Variants in TBC1D12 observed in about 807,000 individuals in gnomAD.
TBC1D12 encodes TBC1 domain family, member 12.
TBC1D12 carries 56 observed loss-of-function variants against 86.7 expected under a neutral mutation model. That is an observed-to-expected ratio of 0.65 (90% CI 0.52 to 0.81). The LOEUF (loss-of-function observed/expected upper bound fraction) is 0.81, where lower values mean the gene tolerates loss of function less well. Among genes scored for constraint, TBC1D12 ranks in the 30% least tolerant of loss-of-function variants. The pLI is 0.00. For missense variants in TBC1D12, 1,023 were observed against 1,038.8 expected, an observed-to-expected ratio of 0.98 and a Z score of 0.21; for synonymous variants, 421 against 411.7, an observed-to-expected ratio of 1.02 and a Z score of -0.27.
intron 5 of TBC1D12, among the ~76,000 whole-genome samples, chr10:94,497,556 G>T: frequency 8.5e-6 from 1 of 117,008 alleles, no homozygotes; most frequent in Non-Finnish European, 1.6e-5. Flanking sequence ...GTCTCGCTCT[G>T]TCACCCAGGC....
intron 2 of TBC1D12, among the ~76,000 whole-genome samples, chr10:94,447,143 A>G (rs2055477597): frequency 6.6e-6 from 1 of 152,042 alleles, no homozygotes; most frequent in African/African-American, 2.4e-5. Context: ...AATATAAAAC[A>G]TAGAATGATA....
At chr10:94,447,539 T>C (rs2055487131) in intron 2 of TBC1D12, 1 of 893,156 alleles carries the variant, frequency 1.1e-6, no homozygotes, top group Non-Finnish European at 1.3e-6. Context: ...TATAGCAAAA[T>C]CAAACTGACT....
intron 11 of TBC1D12, among the ~76,000 whole-genome samples, chr10:94,526,851 A>G (rs1489663840): frequency 6.6e-6 from 1 of 152,180 alleles, no homozygotes; most frequent in Non-Finnish European, 1.5e-5. Flanking sequence ...TCACAACAAC[A>G]GTGTATAAGA....
intron 1 of TBC1D12, among the ~76,000 whole-genome samples, chr10:94,405,117 C>T (rs493088): frequency 0.43 from 63,271 of 148,466 alleles, 13,679 homozygotes; most frequent in East Asian, 0.76. Context: ...TCTTCTTCTT[C>T]TTTTTTCTTA....
At chr10:94,439,832 G>C (rs949153821) in intron 1 of TBC1D12, among the ~76,000 whole-genome samples, 1 of 152,136 alleles carries the variant, frequency 6.6e-6, no homozygotes, top group Non-Finnish European at 1.5e-5. Context: ...TAAACAAATT[G>C]GAAGGAAAAT....
At chr10:94,460,716 C>G (rs1241555761) in intron 2 of TBC1D12, among the ~76,000 whole-genome samples, 2 of 151,940 alleles carry the variant, frequency 1.3e-5, no homozygotes, top group Non-Finnish European at 2.9e-5. Context: ...CTCTTTTCCT[C>G]CCCTCTCTCT....
In TBC1D12 at chr10:94,510,160, C is replaced by T; in HGVS notation, c.1670C>T (p.Ser557Phe). 6.3e-7 allele frequency: 1 copy of T among 1,594,514 alleles called. No homozygotes were observed. The highest frequency in any genetic ancestry group is 1.2e-5 in the South Asian group (1 of 86,088). The change falls in exon 8 of 13, where the codon TCT becomes TTT. Residue 557 changes from serine (S) to phenylalanine (F), a missense_variant. Ser to Phe is a radical substitution (Grantham distance 155). Coordinates refer to ENST00000225235, the MANE Select transcript of TBC1D12 (RefSeq NM_015188.2). ...TTGGACATATCCCGTACATTTCCATCTCTCTACATCTTTCAGAAGGTGAGG... is the reference window on the plus strand; with the variant it reads ...TTGGACATATCCCGTACATTTCCATTTCTCTACATCTTTCAGAAGGTGAGG... ...IKLDISRTFP[S>F]LYIFQKGGPY...
chr10:94,448,959 T>C (rs112055075), intron 2 of TBC1D12, among the ~76,000 whole-genome samples: 2 of 152,138 alleles, frequency 1.3e-5, no homozygotes, highest in Non-Finnish European at 2.9e-5. Context: ...AAAAAATAAT[T>C]TGTGTGGTCT....
At chr10:94,499,233 C>T (rs902689324) in intron 5 of TBC1D12, among the ~76,000 whole-genome samples, 1 of 152,166 alleles carries the variant, frequency 6.6e-6, no homozygotes, top group African/African-American at 2.4e-5. Flanking sequence ...ATTATAGTCA[C>T]CATTCTATGT....
At chr10:94,502,119 G>A (rs2056406008) in intron 6 of TBC1D12, among the ~76,000 whole-genome samples, 1 of 151,882 alleles carries the variant, frequency 6.6e-6, no homozygotes, top group Non-Finnish European at 1.5e-5. Flanking sequence ...GATCAACTGA[G>A]GTCGGGAATT....
intron 1 of TBC1D12, among the ~76,000 whole-genome samples, chr10:94,432,557 G>A (rs529231661): frequency 6.6e-6 from 1 of 152,272 alleles, no homozygotes; most frequent in East Asian, 1.9e-4. Flanking sequence ...AAATTAATGT[G>A]GAACAATATC....
chr10:94,465,877 C>T (rs2055810663), intron 2 of TBC1D12, among the ~76,000 whole-genome samples: 1 of 150,328 alleles, frequency 6.7e-6, no homozygotes, highest in Non-Finnish European at 1.5e-5. Context: ...TATACACATA[C>T]ATGTATGTAT....
At chr10:94,447,217 A>G (rs1411434057) in intron 2 of TBC1D12, among the ~76,000 whole-genome samples, 1 of 151,968 alleles carries the variant, frequency 6.6e-6, no homozygotes, top group East Asian at 1.9e-4. Flanking sequence ...TGTGTGGAAA[A>G]AACACGTAAT....
chr10:94,420,603 A>G lies in TBC1D12; in HGVS notation c.971+17019A>G, dbSNP rs78982805. On this transcript the variant is annotated intron_variant, in intron 1 of 12. Coordinates refer to ENST00000225235, the MANE Select transcript of TBC1D12 (RefSeq NM_015188.2). ...TGCTCAGTCTGGATATTTCATATAAAGGGAGTCATATAGTTTGTCACCGTT... is the reference window on the plus strand; with the variant it reads ...TGCTCAGTCTGGATATTTCATATAAGGGGAGTCATATAGTTTGTCACCGTT... Among the ~76,000 whole-genome samples, 743 of 152,318 alleles carry G rather than the reference A, an allele frequency of 4.9e-3. 46 individuals are homozygous for G. The East Asian group carries it at 0.13, about 26-fold the overall frequency.
chr10:94,445,498 G>A (rs563525703), intron 2 of TBC1D12, among the ~76,000 whole-genome samples: 1 of 152,100 alleles, frequency 6.6e-6, no homozygotes, highest in South Asian at 2.1e-4. Flanking sequence ...TTTAACTGAC[G>A]ATTATTTCTC....
chr10:94,474,764 A>G lies in TBC1D12; in HGVS notation c.1192A>G (p.Ile398Val). Residue 398 changes from isoleucine to valine, a missense_variant, in exon 3 of 13, where the codon ATT (isoleucine) becomes GTT (valine). This residue lies in a region of TBC1D12 where 395 missense variants were observed against 507.7 expected (regional missense o/e 0.78). Transcript: ENST00000225235. The stretch of plus-strand genomic sequence containing the variant: ...TGAGCCGCTTTCTACCACTGCCTTG[A>G]TTCTTGAGGATCGACCATCGTAAGT... ...EFEPLSTTALILEDRPSNLPA... is the reference protein window; with the variant it reads ...EFEPLSTTALVLEDRPSNLPA... 1 of 1,614,054 alleles carries G rather than the reference A, an allele frequency of 6.2e-7. No homozygotes were observed. Among genetic ancestry groups the G allele is most frequent in the South Asian group, 1.1e-5 (1 of 91,070 alleles).
intron 1 of TBC1D12, among the ~76,000 whole-genome samples, chr10:94,404,118 C>G (rs184467384): frequency 2.0e-5 from 3 of 152,076 alleles, no homozygotes; most frequent in Non-Finnish European, 4.4e-5. Context: ...TTTGGGAATT[C>G]TTGAAATTAG....
At chr10:94,417,344 G>C (rs976652939) in intron 1 of TBC1D12, among the ~76,000 whole-genome samples, 1 of 152,210 alleles carries the variant, frequency 6.6e-6, no homozygotes, top group Non-Finnish European at 1.5e-5. Flanking sequence ...TGGTTAATAA[G>C]TTGAGTGAGA....
intron 9 of TBC1D12, among the ~76,000 whole-genome samples, chr10:94,514,319 A>T (rs951789487): frequency 2.6e-5 from 4 of 152,116 alleles, no homozygotes; most frequent in Non-Finnish European, 5.9e-5. Context: ...AAGCTGTAGT[A>T]AGCCGAAATG....
Sources: gnomAD v4.1 joint callset for allele counts (sites outside exome capture counted in the v4.1 genomes callset) on GRCh38, gnomAD v4.1.1 for gene constraint, gnomAD v4.1.1 regional missense constraint, MANE v1.5 for transcripts, NCBI Gene and HGNC (gene_info 2026-07-23, HGNC 2026-07-21) for gene names.